The following GOSR1 variants were observed in gnomAD, a reference collection of about 807,000 sequenced individuals.
GOSR1 encodes 28 kDa Golgi SNARE protein.
Under a neutral mutation model 35.5 loss-of-function variants are expected in GOSR1, and 21 were observed. That is an observed-to-expected ratio of 0.59 (90% CI 0.42 to 0.85). The LOEUF is 0.85. Among genes scored for constraint, GOSR1 ranks in the 40% least tolerant of loss-of-function variants. The pLI is 0.00. For missense variants in GOSR1, 285 were observed against 309.6 expected (o/e 0.92, Z 0.60); for synonymous variants, 94 against 106.6 (o/e 0.88, Z 0.73).
In GOSR1 at chr17:30,523,389, C is replaced by T. The variant is rs1179084967; in HGVS notation, c.*1011C>T. 7 of 173,604 alleles carry T rather than the reference C, an allele frequency of 4.0e-5. No homozygotes were observed. The highest frequency in any genetic ancestry group is 7.3e-5 in the Non-Finnish European group (6 of 82,642). The allele number at this position is 173,604 out of a possible 1,614,324, so 10.8% of individuals were successfully genotyped here. ...GAGGAGCGTCTCTGTCTGGCCACCC[C>T]GTCTGAGAAGTGAGGAGACCTCCGC... is the stretch of plus-strand genomic sequence containing the variant. On this transcript the variant is annotated 3_prime_UTR_variant, in exon 9 of 9. Coordinates refer to ENST00000451249, the MANE Select transcript of GOSR1 (RefSeq NM_001007025.2).
intron 4 of GOSR1, 90 bp downstream of exon 4, chr17:30,484,860 T>G (rs1315981668): frequency 1.3e-6 from 1 of 755,232 alleles, no homozygotes; most frequent in African/African-American, 1.7e-5. Context: ...GCACATATAT[T>G]TAAAAGGACA....
At chr17:30,521,985 A>G (rs561163206) in intron 8 of GOSR1, among the ~76,000 whole-genome samples, 2 of 152,136 alleles carry the variant, frequency 1.3e-5, no homozygotes, top group South Asian at 2.1e-4. Flanking sequence ...GGGAACTGTC[A>G]TCGTCCTTTT....
chr17:30,477,799 C>G, intron 1 of GOSR1: 1 of 985,178 alleles, frequency 1.0e-6, no homozygotes, highest in Non-Finnish European at 1.2e-6. Context: ...GGTACGAACT[C>G]TGAGAGGAAA....
At chr17:30,495,955 T>TGG (rs1966983289) in intron 6 of GOSR1, among the ~76,000 whole-genome samples, 1 of 152,236 alleles carries the variant, frequency 6.6e-6, no homozygotes. Context: ...CTAGCCCTGT[T>TGG]TAGTTCTCAT....
intron 4 of GOSR1, among the ~76,000 whole-genome samples, chr17:30,486,864 A>G (rs985877828): frequency 1.3e-5 from 2 of 152,178 alleles, no homozygotes; most frequent in Non-Finnish European, 2.9e-5. Flanking sequence ...CTGTTTTTGG[A>G]TAGGAAGACT....
At chr17:30,482,641 G>GTA (rs1224070247) in intron 2 of GOSR1, among the ~76,000 whole-genome samples, 1 of 152,162 alleles carries the variant, frequency 6.6e-6, no homozygotes, top group Admixed American at 6.5e-5. Flanking sequence ...CTACTATAGT[G>GTA]TATACATTTG....
intron 6 of GOSR1, among the ~76,000 whole-genome samples, chr17:30,504,152 G>A (rs540005548): frequency 2.0e-5 from 3 of 151,386 alleles, no homozygotes; most frequent in South Asian, 2.1e-4. Flanking sequence ...TCGGCCTCCC[G>A]AGTAGCTGGG....
intron 6 of GOSR1, among the ~76,000 whole-genome samples, chr17:30,496,779 A>G (rs1332548747): frequency 6.6e-6 from 1 of 152,222 alleles, no homozygotes; most frequent in Non-Finnish European, 1.5e-5. Context: ...GCCAAGGATA[A>G]TAAGATTAGA....
chr17:30,484,248 C>G lies in GOSR1; in HGVS notation c.181C>G (p.Gln61Glu). The change falls in exon 3 of 9, where the codon CAA becomes GAA. Residue 61 changes from glutamine to glutamate, a missense_variant. Gln to Glu is a conservative substitution (Grantham distance 29). Transcript: ENST00000451249. ...DTTPLLNGSS[Q>E]DRMFETMAIE... ...AACACCCCTTTTAAATGGATCAAGC[C>G]AAGACAGAATGTTTGAGACAATGGC... is the stretch of plus-strand genomic sequence containing the variant. 6.2e-7 allele frequency: 1 copy of G among 1,611,790 alleles called. No homozygotes were observed. Among genetic ancestry groups the G allele is most frequent in the Non-Finnish European group, 8.5e-7 (1 of 1,178,018 alleles).
chr17:30,516,422 A>G (rs1967813407), intron 7 of GOSR1, among the ~76,000 whole-genome samples: 1 of 147,290 alleles, frequency 6.8e-6, no homozygotes, highest in Non-Finnish European at 1.5e-5. Context: ...GTGAGCCAAG[A>G]TCGCGCCACT....
intron 4 of GOSR1, among the ~76,000 whole-genome samples, chr17:30,487,893 G>A (rs948143201): frequency 6.6e-6 from 1 of 151,730 alleles, no homozygotes; most frequent in African/African-American, 2.4e-5. Flanking sequence ...CTTCTGCCTC[G>A]GCCTCCCGAG....
At chr17:30,478,090 A>G (rs1914070769) in intron 1 of GOSR1, 2 of 233,642 alleles carry the variant, frequency 8.6e-6, no homozygotes, top group East Asian at 1.8e-4. Flanking sequence ...AAGTTGAGAG[A>G]ACCTGTGTGA....
In GOSR1 at chr17:30,494,192, A is replaced by AACACACACACACACAC. The variant is rs143873080; in HGVS notation, c.509+1447_509+1462dup. 1.6e-3 allele frequency among the ~76,000 whole-genome samples: 244 copies of AACACACACACACACAC among 150,518 alleles called. 3 individuals carry two copies. The highest frequency in any genetic ancestry group is 5.4e-3 in the African/African-American group (223 of 41,020). On this transcript the variant is annotated intron_variant, in intron 6 of 8. Coordinates refer to ENST00000451249, the MANE Select transcript of GOSR1 (RefSeq NM_001007025.2). ...TTTTTGTAAATGAATGCCATACTTA[A>AACACACACACACACAC]ACACACACACACACACACACACAAC... is the stretch of plus-strand genomic sequence containing the variant.
chr17:30,517,353 G>T (rs1967859666), intron 7 of GOSR1, among the ~76,000 whole-genome samples: 1 of 152,108 alleles, frequency 6.6e-6, no homozygotes, highest in Non-Finnish European at 1.5e-5. Context: ...TGACAATTGT[G>T]TATCTTACTG....
chr17:30,525,350 AT>A lies in GOSR1; in HGVS notation c.*2977del, dbSNP rs1382012962. On this transcript the variant is annotated 3_prime_UTR_variant, in exon 9 of 9. Coordinates refer to ENST00000451249, the MANE Select transcript of GOSR1 (RefSeq NM_001007025.2). Reference sequence around the variant, plus strand: ...TATATTTTTCTTAACTATGGGGTTTATTTTTCTAAATGTGGGTTGATTGACT... The same window carrying A: ...TATATTTTTCTTAACTATGGGGTTTATTTTCTAAATGTGGGTTGATTGACT... 2 of 152,140 alleles carry A rather than the reference AT, an allele frequency of 1.3e-5. No homozygotes were observed. Among genetic ancestry groups the A allele is most frequent in the African/African-American group, 2.4e-5 (1 of 41,418 alleles). 9.4% of individuals were successfully genotyped at this position (152,140 alleles called of 1,614,324 possible).
intron 5 of GOSR1, among the ~76,000 whole-genome samples, chr17:30,491,107 C>T (rs1428232726): frequency 2.0e-5 from 3 of 152,028 alleles, no homozygotes; most frequent in Non-Finnish European, 4.4e-5. Flanking sequence ...ATTTTTAGTC[C>T]TTCAGGACAT....
In GOSR1 at chr17:30,522,318, C is replaced by T. The variant is rs142519393; in HGVS notation, c.687C>T (p.Leu229=). 2.2e-5 allele frequency: 35 copies of T among 1,609,718 alleles called. No individual in the cohort carries two copies. Among genetic ancestry groups the T allele is most frequent in the African/African-American group, 2.7e-5 (2 of 74,828 alleles). ...ACCTGAGGAAGCGGCGGGACTCGCT[C>T]ATCCTAGGGGGTGTTATTGGGATCT... The part of the protein sequence containing the change: ...RINLRKRRDS[L]ILGGVIGICT... The change falls in exon 9 of 9, where the codon CTC becomes CTT. Residue 229 remains leucine, a synonymous_variant. Coordinates refer to ENST00000451249, the MANE Select transcript of GOSR1 (RefSeq NM_001007025.2).
rs879587361 is a variant in GOSR1, at chr17:30,492,075, C to CA, written c.435-592dup. ...GGGTAACAAAGTAAGACTCTGTCTC[C>CA]AAAAAAAAAAAATTGTTCCTGATAC... is the stretch of plus-strand genomic sequence containing the variant. On this transcript the variant is annotated intron_variant, in intron 5 of 8. Transcript: ENST00000451249. Among the ~76,000 whole-genome samples, 171 of 137,334 alleles carry CA rather than the reference C, an allele frequency of 1.2e-3. 1 individual carries two copies. Among genetic ancestry groups the CA allele is most frequent in the African/African-American group, 3.0e-3 (113 of 37,492 alleles). 90.1% of individuals were successfully genotyped at this position (137,334 alleles called of 152,430 possible).
At chr17:30,508,232 CT>C (rs1967478589) in intron 6 of GOSR1, among the ~76,000 whole-genome samples, 1 of 139,240 alleles carries the variant, frequency 7.2e-6, no homozygotes, top group Non-Finnish European at 1.5e-5. Flanking sequence ...ATTGTTTGCT[CT>C]TTTTTACTTT....
Sources: gnomAD v4.1 joint callset for allele counts (sites outside exome capture counted in the v4.1 genomes callset) on GRCh38, gnomAD v4.1.1 for gene constraint, MANE v1.5 for transcripts, NCBI Gene and HGNC (gene_info 2026-07-23, HGNC 2026-07-21) for gene names.